Variants in CCDC88C observed in about 807,000 individuals in gnomAD.
The protein encoded by CCDC88C is protein Daple.
In CCDC88C, 131 loss-of-function variants were observed where a neutral mutation model predicts 198.8. The ratio of observed to expected loss-of-function variants is 0.66; its 90% CI spans 0.57 to 0.76. The LOEUF is 0.76. Among genes scored for constraint, CCDC88C ranks in the 30% least tolerant of loss-of-function variants. CCDC88C has a pLI of 0.00. For synonymous variants in CCDC88C, 1,166 were observed against 1,114.7 expected (o/e 1.05, Z -0.92); for missense variants, 2,553 against 2,631.6 (o/e 0.97, Z 0.65).
intron 15 of CCDC88C, among the ~76,000 whole-genome samples, chr14:91,312,113 G>A (rs575936911): frequency 6.6e-6 from 1 of 152,276 alleles, no homozygotes; most frequent in South Asian, 2.1e-4. Context: ...TCTTGGCCAG[G>A]TGCAGTGGCC....
intron 3 of CCDC88C, among the ~76,000 whole-genome samples, chr14:91,364,665 G>C (rs1304505913): frequency 6.6e-6 from 1 of 152,256 alleles, no homozygotes; most frequent in East Asian, 1.9e-4. Context: ...TTGTCACCCC[G>C]GCAGGAAGGT....
Position 91,278,093 on chromosome 14 carries a change from G to A in CCDC88C, c.4887C>T (p.Gly1629=). The part of the protein sequence containing the change: ...EASTPGRNAL[G]RHEYPLPRNG... ...TCCGAGGCAAGGGGTACTCGTGGCG[G>A]CCGAGGGCGTTGCGTCCCGGTGTGC... is the stretch of plus-strand genomic sequence containing the variant. The change falls in exon 29 of 30, where the codon GGC becomes GGT. Residue 1629 remains glycine, a synonymous_variant. Coordinates refer to ENST00000389857, the MANE Select transcript of CCDC88C (RefSeq NM_001080414.4). The A allele has an allele frequency of 6.2e-7, 1 of 1,612,624 alleles. No individual in the cohort carries two copies.
rs1893128015 is a variant in CCDC88C, at chr14:91,338,023, G to A, written c.1032C>T (p.Phe344=). 6.2e-7 allele frequency: 1 copy of A among 1,612,350 alleles called. No individual in the cohort carries two copies. The highest frequency in any genetic ancestry group is 8.5e-7 in the Non-Finnish European group (1 of 1,179,882). Residue 344 remains phenylalanine, a synonymous_variant, in exon 10 of 30, where the codon TTC becomes TTT. Coordinates refer to ENST00000389857, the MANE Select transcript of CCDC88C (RefSeq NM_001080414.4). The surrounding 1 kb of genome is among the most constrained non-coding windows in gnomAD (Gnocchi z 4.8). The stretch of plus-strand genomic sequence containing the variant: ...TCCCTACCTCCATGCGGGCCTTGTA[G>A]AAGTCCACGTCGTGCAGCTTCTCCT... The part of the protein sequence containing the change: ...RCKEKLHDVD[F]YKARMEELRE...
chr14:91,309,551 G>A (rs1374604863), intron 16 of CCDC88C, among the ~76,000 whole-genome samples: 2 of 150,874 alleles, frequency 1.3e-5, no homozygotes, highest in East Asian at 3.9e-4. Flanking sequence ...TGGACATGGA[G>A]GTAAGCCGAA....
chr14:91,326,139 C>T (rs1384519416), intron 10 of CCDC88C, 83 bp from the exon 11 acceptor site: 2 of 1,301,432 alleles, frequency 1.5e-6, no homozygotes, highest in South Asian at 1.3e-5. Context: ...AAAACTCTTT[C>T]AGGCATCTGG....
intron 4 of CCDC88C, 126 bp downstream of exon 4, chr14:91,359,516 C>T: frequency 1.4e-6 from 1 of 722,106 alleles, no homozygotes; most frequent in Non-Finnish European, 2.4e-6. Context: ...TAAAATCTCA[C>T]CAAAACGATC....
chr14:91,351,117 G>A (rs1893765539), intron 4 of CCDC88C, among the ~76,000 whole-genome samples: 1 of 152,140 alleles, frequency 6.6e-6, no homozygotes, highest in Non-Finnish European at 1.5e-5. Context: ...TCAAGTACCT[G>A]GGTTAGAACC....
In CCDC88C at chr14:91,298,643, G is replaced by A. The variant is rs141411817; in HGVS notation, c.3780-1152C>T. ...AACAAAAGGCTGCCCAGGCAGTCCCGGGCCCGCCTCCAGCTGGCGGCCTTT... is the reference window on the plus strand; with the variant it reads ...AACAAAAGGCTGCCCAGGCAGTCCCAGGCCCGCCTCCAGCTGGCGGCCTTT... On this transcript the variant is annotated intron_variant, in intron 21 of 29. Transcript: ENST00000389857. 4.9e-3 allele frequency among the ~76,000 whole-genome samples: 749 copies of A among 152,254 alleles called. 3 individuals are homozygous for A. The highest frequency in any genetic ancestry group is 8.4e-3 in the Admixed American group (129 of 15,290).
At chr14:91,303,146 A>G (rs1891379386) in intron 20 of CCDC88C, among the ~76,000 whole-genome samples, 2 of 152,122 alleles carry the variant, frequency 1.3e-5, no homozygotes, top group Non-Finnish European at 2.9e-5. Flanking sequence ...GCGCAGCCTG[A>G]CAGACTCCCC....
Position 91,297,627 on chromosome 14 carries a change from CT to C in CCDC88C, c.3780-137del, listed in dbSNP as rs5810533. 303,098 of 614,082 alleles carry C rather than the reference CT, an allele frequency of 0.49. 44,751 individuals are homozygous for C. The highest frequency in any genetic ancestry group is 0.68 in the African/African-American group (35,110 of 51,664). 38.0% of individuals were successfully genotyped at this position (614,082 alleles called of 1,614,324 possible). On this transcript the variant is annotated intron_variant, in intron 21 of 29. Transcript: ENST00000389857. The stretch of plus-strand genomic sequence containing the variant: ...TAGACAAAATCACAACCTCTCTGGG[CT>C]TTTTTTTTTTTCCATGCATAAAATA...
chr14:91,369,694 C>T (rs567855731), intron 3 of CCDC88C, among the ~76,000 whole-genome samples: 30 of 152,288 alleles, frequency 2.0e-4, no homozygotes, highest in Admixed American at 9.8e-4. Flanking sequence ...AGTCCCTCTT[C>T]GGGGCGGGGA....
At position 91,299,976 on chromosome 14, in the gene CCDC88C, T is replaced by C. The variant is rs1299872723; in HGVS notation, c.3730A>G (p.Asn1244Asp). ...REALQQEQRT[N>D]ALAMGENQRL... Reference sequence around the variant, plus strand: ...TGGTTCTCGCCCATGGCGAGGGCGTTTGTCCTCTGCTCCTGCTGCAGCGCC... The same window carrying C: ...TGGTTCTCGCCCATGGCGAGGGCGTCTGTCCTCTGCTCCTGCTGCAGCGCC... The change falls in exon 21 of 30, where the codon AAC becomes GAC. Residue 1244 changes from asparagine to aspartate, a missense_variant. Asn to Asp is a conservative substitution (Grantham distance 23). This residue lies in a region of CCDC88C where 1,293 missense variants were observed against 1,219.6 expected (regional missense o/e 1.06). Coordinates refer to ENST00000389857, the MANE Select transcript of CCDC88C (RefSeq NM_001080414.4). 1 of 1,596,316 alleles carries C rather than the reference T, an allele frequency of 6.3e-7. No homozygotes were observed. The highest frequency in any genetic ancestry group is 8.5e-7 in the Non-Finnish European group (1 of 1,172,430).
Position 91,325,982 on chromosome 14 carries a change from G to A in CCDC88C, c.1125C>T (p.Ala375=). The A allele has an allele frequency of 6.3e-7, 1 of 1,591,336 alleles. No homozygotes were observed. The highest frequency in any genetic ancestry group is 8.6e-7 in the Non-Finnish European group (1 of 1,168,260). ...CCAGCTCATGGACTTTATCGCCCCG[G>A]GCCCGAGCAGCAGTCAGCTGTTCCT... ...MLEEQLTAAR[A]RGDKVHELEK... The change falls in exon 11 of 30, where the codon GCC becomes GCT. Residue 375 remains alanine (A), a synonymous_variant. Coordinates refer to ENST00000389857, the MANE Select transcript of CCDC88C (RefSeq NM_001080414.4). This position sits in a 1 kb window ranked among gnomAD's most constrained non-coding sequence, Gnocchi z 4.1.
intron 20 of CCDC88C, among the ~76,000 whole-genome samples, chr14:91,302,592 G>A (rs185107694): frequency 2.1e-3 from 319 of 152,338 alleles, no homozygotes; most frequent in African/African-American, 7.3e-3. Context: ...AAGTTAAGAT[G>A]TGTGCATTTC....
chr14:91,285,096 A>C (rs1432696206), intron 25 of CCDC88C, among the ~76,000 whole-genome samples: 1 of 152,234 alleles, frequency 6.6e-6, no homozygotes, highest in Non-Finnish European at 1.5e-5. Flanking sequence ...TCTGGGCAAA[A>C]TCAATCCAAT....
In CCDC88C at chr14:91,313,617, C is replaced by T. The variant is rs1891945478; in HGVS notation, c.2199G>A (p.Leu733=). ...TCCTCAGCTCCTCCTTCTCACGCTCCAGCTGCTGGTTCTCCCTCTCCATCT... is the reference window on the plus strand; with the variant it reads ...TCCTCAGCTCCTCCTTCTCACGCTCTAGCTGCTGGTTCTCCCTCTCCATCT... ...LAQMERENQQ[L]EREKEELRKN... Residue 733 remains leucine (L), a synonymous_variant, in exon 15 of 30, where the codon CTG becomes CTA. Coordinates refer to ENST00000389857, the MANE Select transcript of CCDC88C (RefSeq NM_001080414.4). The surrounding 1 kb of genome is among the most constrained non-coding windows in gnomAD (Gnocchi z 5.2). The T allele has an allele frequency of 1.2e-6, 2 of 1,612,688 alleles. No individual in the cohort carries two copies. Among genetic ancestry groups the T allele is most frequent in the South Asian group, 1.1e-5 (1 of 91,090 alleles).
chr14:91,382,628 C>T (rs1048509210), intron 3 of CCDC88C, among the ~76,000 whole-genome samples: 1 of 152,120 alleles, frequency 6.6e-6, no homozygotes, highest in Non-Finnish European at 1.5e-5. Flanking sequence ...ACCACCAAAG[C>T]TGGGGATGAA....
At chr14:91,345,437 C>T (rs1056749403) in intron 4 of CCDC88C, among the ~76,000 whole-genome samples, 11 of 151,894 alleles carry the variant, frequency 7.2e-5, no homozygotes, top group Admixed American at 2.6e-4. Flanking sequence ...GTGATCTGCT[C>T]GCCTCGGCCT....
rs765256075 is a variant in CCDC88C, at chr14:91,291,065, G to C, written c.4132C>G (p.Arg1378Gly). The C allele has an allele frequency of 1.9e-6, 3 of 1,565,818 alleles. No homozygotes were observed. ...TCTTCCAGCTTTTCCTTATGTCTTC[G>C]TAAGGCATTTAATTTGTCTCTGTGA... The part of the protein sequence containing the change: ...KQYIDKLNAL[R>G]RHKEKLEEKI... The change falls in exon 24 of 30, where the codon CGA (arginine) becomes GGA (glycine). Residue 1378 changes from arginine (R) to glycine (G), a missense_variant. Arg to Gly is a moderately radical substitution (Grantham distance 125). Coordinates refer to ENST00000389857, the MANE Select transcript of CCDC88C (RefSeq NM_001080414.4).
Sources: gnomAD v4.1 joint callset for allele counts (sites outside exome capture counted in the v4.1 genomes callset) on GRCh38, gnomAD v4.1.1 for gene constraint, gnomAD v4.1.1 regional missense constraint, Gnocchi (gnomAD v3.1) non-coding constraint, MANE v1.5 for transcripts, NCBI Gene and HGNC (gene_info 2026-07-23, HGNC 2026-07-21) for gene names.